PLXNB2: variants seen among roughly 807,000 people sequenced by gnomAD.
PLXNB2 encodes the protein plexin-B2.
In PLXNB2, 85 loss-of-function variants were observed where a neutral mutation model predicts 202.6. That is an observed-to-expected ratio of 0.42 (90% CI 0.35 to 0.50). The LOEUF (loss-of-function observed/expected upper bound fraction) is 0.50, where lower values mean the gene tolerates loss of function less well. Ranked by LOEUF, PLXNB2 falls within the 20% of genes least tolerant of loss-of-function variation. PLXNB2 has a pLI of 0.02. For missense variants in PLXNB2, 2,063 were observed against 2,586.2 expected, an observed-to-expected ratio of 0.80 and a Z score of 4.39; for synonymous variants, 1,239 against 1,137.6, an observed-to-expected ratio of 1.09 and a Z score of -1.79.
intron 11 of PLXNB2, among the ~76,000 whole-genome samples, chr22:50,285,281 AC>A (rs1175342043): frequency 1.1e-4 from 9 of 85,410 alleles, no homozygotes; most frequent in African/African-American, 4.4e-4. Flanking sequence ...CCTGCCTGTC[AC>A]CAACCGGCAC....
intron 26 of PLXNB2, 46 bp from the exon 27 acceptor site, chr22:50,279,822 C>T (rs762480272): frequency 1.1e-5 from 17 of 1,608,482 alleles, no homozygotes; most frequent in African/African-American, 1.3e-5. Flanking sequence ...GGACTTGGGG[C>T]CTGGAAGGGG....
At position 50,290,550 on chromosome 22, in the gene PLXNB2, C is replaced by G; in HGVS notation, c.35G>C (p.Gly12Ala). 1 of 1,611,410 alleles carries G rather than the reference C, an allele frequency of 6.2e-7. No individual in the cohort carries two copies. The highest frequency in any genetic ancestry group is 8.5e-7 in the Non-Finnish European group (1 of 1,179,774). Residue 12 changes from glycine to alanine, a missense_variant, in exon 3 of 37, where the codon GGC (glycine) becomes GCC (alanine). Physicochemically the swap from Gly to Ala is moderately conservative, Grantham distance 60. Transcript: ENST00000359337. ...ALQLWALTLL[G>A]LLGAGASLRP... ...CAGGCTGGCACCTGCGCCCAGCAGG[C>G]CCAGCAGGGTCAGGGCCCAGAGCTG...
In PLXNB2 at chr22:50,288,713, G is replaced by C; in HGVS notation, c.1380+30C>G. On this transcript the variant is annotated intron_variant, in intron 5 of 36. Coordinates refer to ENST00000359337, the MANE Select transcript of PLXNB2 (RefSeq NM_012401.4). This position sits in a 1 kb window ranked among gnomAD's most constrained non-coding sequence, Gnocchi z 5.0. ...GCAATGACCGGGCACACTTGGCCTA[G>C]AGTGCTCTCCGGGGCTGCGTCTGGC... The C allele has an allele frequency of 1.2e-6, 2 of 1,611,142 alleles. No homozygotes were observed. Among genetic ancestry groups the C allele is most frequent in the South Asian group, 1.1e-5 (1 of 90,912 alleles).
intron 1 of PLXNB2, among the ~76,000 whole-genome samples, chr22:50,299,330 A>T (rs1225557956): frequency 6.8e-6 from 1 of 146,294 alleles, no homozygotes; most frequent in African/African-American, 2.5e-5. Flanking sequence ...GGGGCGGGGG[A>T]AGCAGCCTCG....
rs2065954089 is a variant in PLXNB2, at chr22:50,281,078, G to A, written c.3763+11C>T. On this transcript the variant is annotated intron_variant, in intron 23 of 36. Coordinates refer to ENST00000359337, the MANE Select transcript of PLXNB2 (RefSeq NM_012401.4). ...GAGGCGCCCCAGCACCAGCCCCCAAGCGGTCCCTACCTGTGAATTCCTTCT... is the reference window on the plus strand; with the variant it reads ...GAGGCGCCCCAGCACCAGCCCCCAAACGGTCCCTACCTGTGAATTCCTTCT... 1.2e-6 allele frequency: 2 copies of A among 1,610,934 alleles called. No homozygotes were observed. Among genetic ancestry groups the A allele is most frequent in the Non-Finnish European group, 1.7e-6 (2 of 1,178,076 alleles).
In PLXNB2 at chr22:50,289,171, C is replaced by T; in HGVS notation, c.1069-29G>A. 6.6e-7 allele frequency: 1 copy of T among 1,524,740 alleles called. No homozygotes were observed. Among genetic ancestry groups the T allele is most frequent in the Non-Finnish European group, 8.8e-7 (1 of 1,136,436 alleles). 94.5% of individuals were successfully genotyped at this position (1,524,740 alleles called of 1,614,324 possible). A position where few individuals can be genotyped will look rare whatever the true frequency, so the allele number is the denominator to read the frequency against. On this transcript the variant is annotated intron_variant, in intron 3 of 36. Transcript: ENST00000359337. This position sits in a 1 kb window ranked among gnomAD's most constrained non-coding sequence, Gnocchi z 8.0. ...CGGACCACAGCGTGTCAATGGCAGGCAGACCCCCTGTCCTGAAGGGCCCTC... is the reference window on the plus strand; with the variant it reads ...CGGACCACAGCGTGTCAATGGCAGGTAGACCCCCTGTCCTGAAGGGCCCTC...
intron 1 of PLXNB2, among the ~76,000 whole-genome samples, chr22:50,303,137 T>G (rs901973152): frequency 2.0e-5 from 3 of 150,142 alleles, no homozygotes; most frequent in Non-Finnish European, 4.4e-5. Context: ...CCCACACTCC[T>G]GCTTCTGGCC....
chr22:50,277,157 C>T (rs1293266078), intron 33 of PLXNB2, among the ~76,000 whole-genome samples: 3 of 152,100 alleles, frequency 2.0e-5, no homozygotes, highest in Admixed American at 2.0e-4. Flanking sequence ...AAATACTAGC[C>T]GTGCGTTGTG....
At position 50,287,256 on chromosome 22, in the gene PLXNB2, C is replaced by A; in HGVS notation, c.1617G>T (p.Leu539=). The change falls in exon 8 of 37, where the codon CTG becomes CTT. Residue 539 remains leucine (L), a synonymous_variant. Coordinates refer to ENST00000359337, the MANE Select transcript of PLXNB2 (RefSeq NM_012401.4). ...TCAGGGCAGGGAGGGGGCTGACGGTCAGCTGCACCTGAGGGAGGGGCCGTG... is the reference window on the plus strand; with the variant it reads ...TCAGGGCAGGGAGGGGGCTGACGGTAAGCTGCACCTGAGGGAGGGGCCGTG... ...MSRRAQGEVQ[L]TVSPLPALSE... is the part of the protein sequence containing the mutation. 1.3e-6 allele frequency: 2 copies of A among 1,516,968 alleles called. No individual in the cohort carries two copies. The highest frequency in any genetic ancestry group is 2.5e-5 in the South Asian group (2 of 79,244). 94.0% of individuals were successfully genotyped at this position (1,516,968 alleles called of 1,614,324 possible).
chr22:50,280,223 G>T, intron 25 of PLXNB2, 152 bp from the exon 26 acceptor site: 1 of 660,374 alleles, frequency 1.5e-6, no homozygotes, highest in Non-Finnish European at 2.5e-6. Context: ...GGCAGCTCCA[G>T]CCCTTGTGGG....
rs554692045 is a variant in PLXNB2 at position 50,276,191 on chromosome 22, G to A, written c.5338-228C>T. On this transcript the variant is annotated intron_variant, in intron 35 of 36. Transcript: ENST00000359337. ...GTGTCTCCCTGTGTGACGCACGGCT[G>A]TGGATGGACCCACAGGGACGGGTGC... Among the ~76,000 whole-genome samples the A allele has an allele frequency of 4.8e-4, 72 of 151,322 alleles. 1 individual carries two copies. The highest frequency in any genetic ancestry group is 1.5e-3 in the African/African-American group (61 of 41,292).
intron 1 of PLXNB2, among the ~76,000 whole-genome samples, chr22:50,300,535 C>T (rs890152494): frequency 3.9e-5 from 6 of 152,038 alleles, no homozygotes; most frequent in African/African-American, 1.5e-4. Flanking sequence ...ACAACCCGAC[C>T]TAGGAGCTGG....
chr22:50,279,155 C>G, intron 27 of PLXNB2, 144 bp from the exon 28 acceptor site: 2 of 791,214 alleles, frequency 2.5e-6, no homozygotes, highest in Non-Finnish European at 3.9e-6. Flanking sequence ...TCCGAGCCCC[C>G]GAGGCTTCCC....
chr22:50,295,643 T>C (rs2067209163), intron 1 of PLXNB2, among the ~76,000 whole-genome samples: 1 of 152,150 alleles, frequency 6.6e-6, no homozygotes, highest in African/African-American at 2.4e-5. Context: ...TGGTTGGCTT[T>C]AGTGAAAATT....
At position 50,282,265 on chromosome 22, in the gene PLXNB2, C is replaced by G; in HGVS notation, c.3036G>C (p.Gln1012His). 6.2e-7 allele frequency: 1 copy of G among 1,612,404 alleles called. No homozygotes were observed. Among genetic ancestry groups the G allele is most frequent in the Non-Finnish European group, 8.5e-7 (1 of 1,179,850 alleles). The change falls in exon 19 of 37, where the codon CAG (glutamine) becomes CAC (histidine). Residue 1012 changes from glutamine to histidine, a missense_variant. Physicochemically the swap from Gln to His is conservative, Grantham distance 24. Transcript: ENST00000359337. ...CCGCGATGACCACCATGGCAAACCT[C>G]TGGATCAGGCTGAAGCCCTGACCCG... ...NVTGQGFSLI[Q>H]RFAMVVIAEP...
At position 50,284,784 on chromosome 22, in the gene PLXNB2, C is replaced by A; in HGVS notation, c.2089-119G>T. On this transcript the variant is annotated intron_variant, in intron 11 of 36. Transcript: ENST00000359337. This position sits in a 1 kb window ranked among gnomAD's most constrained non-coding sequence, Gnocchi z 8.0. ...GTGGGAGCCCTCTCCTCACCCCACACATGCCCGCCCCTCAGATTACCATGC... is the reference window on the plus strand; with the variant it reads ...GTGGGAGCCCTCTCCTCACCCCACAAATGCCCGCCCCTCAGATTACCATGC... 1 of 805,196 alleles carries A rather than the reference C, an allele frequency of 1.2e-6. No individual in the cohort carries two copies. The highest frequency in any genetic ancestry group is 1.7e-5 in the African/African-American group (1 of 59,660). 49.9% of individuals were successfully genotyped at this position (805,196 alleles called of 1,614,324 possible). A position where few individuals can be genotyped will look rare whatever the true frequency, so the allele number is the denominator to read the frequency against.
At chr22:50,301,123 C>A (rs1004386669) in intron 1 of PLXNB2, among the ~76,000 whole-genome samples, 1 of 152,210 alleles carries the variant, frequency 6.6e-6, no homozygotes, top group Admixed American at 6.5e-5. Context: ...GGCCCACTGG[C>A]GCATCTGGAG....
At chr22:50,292,640 G>A (rs996338274) in intron 2 of PLXNB2, among the ~76,000 whole-genome samples, 1 of 151,982 alleles carries the variant, frequency 6.6e-6, no homozygotes, top group Non-Finnish European at 1.5e-5. Context: ...AGGGGAGCCC[G>A]CTCTGCTGCT....
At chr22:50,277,330 G>T (rs906007006) in intron 33 of PLXNB2, among the ~76,000 whole-genome samples, 16 of 151,628 alleles carry the variant, frequency 1.1e-4, no homozygotes, top group Non-Finnish European at 2.1e-4. Context: ...TACTTATTTT[G>T]TGATCTGTAG....
Sources: gnomAD v4.1 joint callset for allele counts (sites outside exome capture counted in the v4.1 genomes callset) on GRCh38, gnomAD v4.1.1 for gene constraint, Gnocchi (gnomAD v3.1) non-coding constraint, MANE v1.5 for transcripts, NCBI Gene and HGNC (gene_info 2026-07-23, HGNC 2026-07-21) for gene names.